LPL: variants seen among roughly 807,000 people sequenced by gnomAD.
LPL encodes lipoprotein lipase, also known as phospholipase A1.
In LPL, 43 loss-of-function variants were observed where a neutral mutation model predicts 52.2. The ratio of observed to expected loss-of-function variants is 0.82; its 90% CI spans 0.64 to 1.06. LPL has a LOEUF of 1.06. Among genes scored for constraint, LPL ranks in the 50% least tolerant of loss-of-function variants. The pLI is 0.00. For synonymous variants in LPL, 244 were observed against 215.6 expected, an observed-to-expected ratio of 1.13 and a Z score of -1.15; for missense variants, 639 against 585.3, an observed-to-expected ratio of 1.09 and a Z score of -0.95.
At chr8:19,956,345 G>C (rs2069985728) in intron 6 of LPL, among the ~76,000 whole-genome samples, 1 of 152,220 alleles carries the variant, frequency 6.6e-6, no homozygotes, top group Non-Finnish European at 1.5e-5. Flanking sequence ...GTGGCCATTA[G>C]CATGGGCTAG....
intron 5 of LPL, 34 bp from the exon 6 acceptor site, chr8:19,955,807 C>T (rs267): frequency 3.9e-4 from 635 of 1,613,866 alleles, no homozygotes; most frequent in Non-Finnish European, 4.9e-4. Context: ...GAATTTCTGC[C>T]GAGATACAAT....
In LPL at chr8:19,955,944, C is replaced by A. The variant is rs2128838519; in HGVS notation, c.879C>A (p.Ser293=). 1 of 1,614,020 alleles carries A rather than the reference C, an allele frequency of 6.2e-7. No individual in the cohort carries two copies. The highest frequency in any genetic ancestry group is 2.2e-5 in the East Asian group (1 of 44,884). ...ENPSKAYRCS[S]KEAFEKGLCL... is the part of the protein sequence containing the mutation. ...CAAGTAAGGCCTACAGGTGCAGTTCCAAGGAAGCCTTTGAGAAAGGGCTCT... is the reference window on the plus strand; with the variant it reads ...CAAGTAAGGCCTACAGGTGCAGTTCAAAGGAAGCCTTTGAGAAAGGGCTCT... The change falls in exon 6 of 10, where the codon TCC becomes TCA. Residue 293 remains serine, a synonymous_variant. Transcript: ENST00000650287.
intron 1 of LPL, 95 bp from the exon 2 acceptor site, chr8:19,948,085 C>A: frequency 2.3e-6 from 3 of 1,293,652 alleles, no homozygotes; most frequent in Non-Finnish European, 3.4e-6. Flanking sequence ...AAAATAGCAT[C>A]AGCGGTGGTT....
At chr8:19,957,011 A>G (rs549812371) in intron 6 of LPL, among the ~76,000 whole-genome samples, 52 of 152,186 alleles carry the variant, frequency 3.4e-4, no homozygotes, top group African/African-American at 1.0e-3. Context: ...TTTAGTAGAG[A>G]GGGGGTTTCA....
At chr8:19,945,384 A>T (rs1184973528) in intron 1 of LPL, among the ~76,000 whole-genome samples, 1 of 152,220 alleles carries the variant, frequency 6.6e-6, no homozygotes, top group East Asian at 1.9e-4. Flanking sequence ...CTAAGTGCCG[A>T]TAAGATTTAT....
At chr8:19,956,366 C>A (rs1302552073) in intron 6 of LPL, among the ~76,000 whole-genome samples, 2 of 152,244 alleles carry the variant, frequency 1.3e-5, no homozygotes, top group African/African-American at 4.8e-5. Context: ...GCTATCAGCA[C>A]AGAGCTCAGA....
At chr8:19,943,300 G>A (rs2128835954) in intron 1 of LPL, among the ~76,000 whole-genome samples, 1 of 152,102 alleles carries the variant, frequency 6.6e-6, no homozygotes, top group East Asian at 1.9e-4. Flanking sequence ...TAGGTAAATG[G>A]ATCTGCACTT....
At chr8:19,965,221 T>C in intron 9 of LPL, 89 bp from the exon 10 acceptor site, 1 of 768,660 alleles carries the variant, frequency 1.3e-6, no homozygotes, top group East Asian at 2.4e-5. Flanking sequence ...TTGAAGGCTT[T>C]TTCCATCCTA....
chr8:19,954,588 G>A (rs1327145314), intron 5 of LPL, among the ~76,000 whole-genome samples: 1 of 152,138 alleles, frequency 6.6e-6, no homozygotes, highest in Non-Finnish European at 1.5e-5. Flanking sequence ...ACAGTAGCAA[G>A]AGAAAAAGGT....
chr8:19,961,161 T>C (rs989983928), intron 8 of LPL, 78 bp downstream of exon 8: 2 of 1,285,978 alleles, frequency 1.6e-6, no homozygotes, highest in South Asian at 1.2e-5. Flanking sequence ...TTCAGGGGCC[T>C]TCACAATTCA....
intron 5 of LPL, among the ~76,000 whole-genome samples, chr8:19,955,081 C>A (rs2069971754): frequency 2.0e-5 from 3 of 152,188 alleles, no homozygotes; most frequent in South Asian, 2.1e-4. Context: ...TATTTTTGTG[C>A]ACGTAATAGA....
rs762909404 is a variant in LPL, at chr8:19,950,718, C to T, written c.250-1051C>T. On this transcript the variant is annotated intron_variant, in intron 2 of 9. Transcript: ENST00000650287. The surrounding 1 kb of genome is among the most constrained non-coding windows in gnomAD (Gnocchi z 4.2). ...ACTCAGGAGGCTGAGGCAGGAGAAT[C>T]GCTTGAACCAAGGAGGCGGAGGTTG... is the stretch of plus-strand genomic sequence containing the variant. Among the ~76,000 whole-genome samples the T allele has an allele frequency of 5.9e-5, 9 of 152,058 alleles. 1 individual carries two copies. The highest frequency in any genetic ancestry group is 1.5e-5 in the Non-Finnish European group (1 of 68,014).
At chr8:19,946,206 A>G (rs1433951761) in intron 1 of LPL, among the ~76,000 whole-genome samples, 1 of 152,188 alleles carries the variant, frequency 6.6e-6, no homozygotes, top group Non-Finnish European at 1.5e-5. Flanking sequence ...AGCTTTAAAG[A>G]TCAATAGTTT....
intron 1 of LPL, among the ~76,000 whole-genome samples, chr8:19,945,922 A>G (rs1427988907): frequency 8.5e-5 from 13 of 152,194 alleles, no homozygotes; most frequent in Non-Finnish European, 2.9e-5. Context: ...GGTATGAGCT[A>G]TTTAAGGTGG....
intron 5 of LPL, among the ~76,000 whole-genome samples, chr8:19,954,895 G>A (rs1262981185): frequency 1.3e-5 from 2 of 152,014 alleles, no homozygotes; most frequent in South Asian, 2.1e-4. Flanking sequence ...ACAATCACAG[G>A]GACTTGCAAT....
intron 6 of LPL, among the ~76,000 whole-genome samples, chr8:19,958,239 C>T (rs1044882605): frequency 1.3e-5 from 2 of 152,116 alleles, no homozygotes; most frequent in African/African-American, 4.8e-5. Context: ...CCAAGCTAGT[C>T]TCAAACTCCT....
chr8:19,944,191 A>G lies in LPL; in HGVS notation c.89-3989A>G, dbSNP rs2069864277. Reference sequence around the variant, plus strand: ...ACAGAGCAAGACTCCGTTTCAAAAAATAATAATAAAATAAAATGAAATAAA... The same window carrying G: ...ACAGAGCAAGACTCCGTTTCAAAAAGTAATAATAAAATAAAATGAAATAAA... On this transcript the variant is annotated intron_variant, in intron 1 of 9. Transcript: ENST00000650287. The surrounding 1 kb of genome is among the most constrained non-coding windows in gnomAD (Gnocchi z 4.2). 6.6e-6 allele frequency among the ~76,000 whole-genome samples: 1 copy of G among 152,214 alleles called. No homozygotes were observed. Among genetic ancestry groups the G allele is most frequent in the East Asian group, 1.9e-4 (1 of 5,192 alleles).
chr8:19,951,670 C>T, intron 2 of LPL, 99 bp from the exon 3 acceptor site: 1 of 1,307,828 alleles, frequency 7.6e-7, no homozygotes, highest in Non-Finnish European at 1.1e-6. Context: ...GGTTTCCAAT[C>T]AAGTTTGTTT....
intron 3 of LPL, among the ~76,000 whole-genome samples, chr8:19,952,602 G>A (rs554291350): frequency 8.3e-4 from 127 of 152,202 alleles, no homozygotes; most frequent in Admixed American, 3.5e-3. Context: ...CAGGTAATTG[G>A]AAGTAAAAAA....
Sources: gnomAD v4.1 joint callset for allele counts (sites outside exome capture counted in the v4.1 genomes callset) on GRCh38, gnomAD v4.1.1 for gene constraint, Gnocchi (gnomAD v3.1) non-coding constraint, MANE v1.5 for transcripts, NCBI Gene and HGNC (gene_info 2026-07-23, HGNC 2026-07-21) for gene names.